Variants in SLC44A3 observed in about 807,000 individuals in gnomAD.
SLC44A3 encodes choline transporter-like protein 3.
A neutral mutation model predicts 75.4 loss-of-function variants in SLC44A3; 74 were observed. The observed-to-expected ratio is 0.98, with a 90% confidence interval of 0.81 to 1.19. The LOEUF (loss-of-function observed/expected upper bound fraction) is 1.19. SLC44A3 is among the 50% of genes most tolerant of loss of function. The pLI is 0.00. For synonymous variants in SLC44A3, 310 were observed against 296.9 expected, an observed-to-expected ratio of 1.04 and a Z score of -0.45; for missense variants, 700 against 778.6, an observed-to-expected ratio of 0.90 and a Z score of 1.20.
At chr1:94,840,130 C>T in intron 7 of SLC44A3, 93 bp downstream of exon 7, 1 of 1,101,332 alleles carries the variant, frequency 9.1e-7, no homozygotes, top group Non-Finnish European at 1.4e-6. Context: ...TTTTAAGCTA[C>T]ATGGAGTCTT....
At chr1:94,832,760 G>A (rs1455092921) in intron 5 of SLC44A3, among the ~76,000 whole-genome samples, 1 of 152,178 alleles carries the variant, frequency 6.6e-6, no homozygotes, top group Non-Finnish European at 1.5e-5. Context: ...GATTGCTTGA[G>A]GCCAGGAGTT....
Position 94,880,404 on chromosome 1 carries a change from C to A in SLC44A3, c.1483-10726C>A, listed in dbSNP as rs142736344. Among the ~76,000 whole-genome samples the A allele has an allele frequency of 6.5e-4, 99 of 152,220 alleles. 1 individual carries two copies. The highest frequency in any genetic ancestry group is 1.5e-3 in the Admixed American group (23 of 15,294). On this transcript the variant is annotated intron_variant, in intron 12 of 14. Coordinates refer to ENST00000271227, the MANE Select transcript of SLC44A3 (RefSeq NM_001114106.3). ...GTCATATGCTACAACATAGATGAAC[C>A]CCAAGGACATTATGCTGAAGTATAT...
chr1:94,845,505 T>G, intron 9 of SLC44A3, 41 bp downstream of exon 9: 4 of 1,547,942 alleles, frequency 2.6e-6, no homozygotes, highest in Non-Finnish European at 3.5e-6. Flanking sequence ...CTTGGAGTCA[T>G]ACACAGAAGA....
intron 10 of SLC44A3, 90 bp downstream of exon 10, chr1:94,857,590 G>A: frequency 2.3e-6 from 3 of 1,314,052 alleles, no homozygotes; most frequent in Non-Finnish European, 3.0e-6. Flanking sequence ...TGGGAATGTT[G>A]ACCTAGCCCC....
Position 94,842,097 on chromosome 1 carries a change from G to C in SLC44A3, c.858G>C (p.Gly286=). ...GGGAAAATATGAAGTGCGTGCTGGG[G>C]TTTGCTATCGTATCCACAGGCATCA... The part of the protein sequence containing the change: ...TERENMKCVL[G]FAIVSTGITA... Residue 286 remains glycine (G), a synonymous_variant, in exon 8 of 15, where the codon GGG becomes GGC. Coordinates refer to ENST00000271227, the MANE Select transcript of SLC44A3 (RefSeq NM_001114106.3). 6.2e-7 allele frequency: 1 copy of C among 1,612,172 alleles called. No individual in the cohort carries two copies. The highest frequency in any genetic ancestry group is 1.1e-5 in the South Asian group (1 of 90,706).
chr1:94,891,345 A>G (rs1019463607), intron 13 of SLC44A3, 78 bp downstream of exon 13: 2 of 1,435,686 alleles, frequency 1.4e-6, no homozygotes, highest in Non-Finnish European at 1.9e-6. Flanking sequence ...AAAGGGAACT[A>G]TATTTCTTGA....
At chr1:94,881,629 G>A (rs1464516990) in intron 12 of SLC44A3, among the ~76,000 whole-genome samples, 28 of 148,358 alleles carry the variant, frequency 1.9e-4, no homozygotes, top group Non-Finnish European at 3.4e-4. Flanking sequence ...GCGTGAACCC[G>A]GGAGGCGAAG....
chr1:94,840,068 T>G, intron 7 of SLC44A3, 31 bp downstream of exon 7: 2 of 1,568,646 alleles, frequency 1.3e-6, no homozygotes, highest in Non-Finnish European at 1.8e-6. Context: ...CTGATTTCTT[T>G]TCGATTAAAT....
At chr1:94,882,528 T>G (rs1038728570) in intron 12 of SLC44A3, among the ~76,000 whole-genome samples, 26 of 152,284 alleles carry the variant, frequency 1.7e-4, no homozygotes, top group African/African-American at 6.3e-4. Flanking sequence ...CCACTGATTA[T>G]GCACAGGTCA....
At chr1:94,857,217 T>A in intron 9 of SLC44A3, 118 bp from the exon 10 acceptor site, 1 of 1,025,044 alleles carries the variant, frequency 9.8e-7, no homozygotes, top group Non-Finnish European at 1.4e-6. Flanking sequence ...GGGTACTTGA[T>A]TTTGGCATTT....
chr1:94,849,051 C>T (rs1228248516), intron 9 of SLC44A3, among the ~76,000 whole-genome samples: 2 of 144,666 alleles, frequency 1.4e-5, no homozygotes, highest in South Asian at 2.1e-4. Context: ...CAGCCTGTGC[C>T]CCTTAACTGC....
chr1:94,851,972 C>A (rs531261827), intron 9 of SLC44A3, among the ~76,000 whole-genome samples: 2 of 152,236 alleles, frequency 1.3e-5, no homozygotes, highest in South Asian at 2.1e-4. Flanking sequence ...TCCAGACTTA[C>A]AGCTAACTGC....
intron 9 of SLC44A3, among the ~76,000 whole-genome samples, chr1:94,854,006 C>G (rs1180176166): frequency 6.6e-6 from 1 of 152,088 alleles, no homozygotes; most frequent in East Asian, 1.9e-4. Context: ...ATAGCTAACC[C>G]TGTGTGGCAC....
In SLC44A3 at chr1:94,849,130, G is replaced by A. The variant is rs533389953; in HGVS notation, c.1072+3666G>A. 2.6e-5 allele frequency among the ~76,000 whole-genome samples: 4 copies of A among 152,254 alleles called. No individual in the cohort carries two copies. The South Asian group carries it at 8.3e-4, about 32-fold the overall frequency. Reference sequence around the variant, plus strand: ...GTAGCCTCCACTGCAAGAGAGACCTGGAGGTTATTCTTCAGGGCTGAAGGT... The same window carrying A: ...GTAGCCTCCACTGCAAGAGAGACCTAGAGGTTATTCTTCAGGGCTGAAGGT... On this transcript the variant is annotated intron_variant, in intron 9 of 14. Transcript: ENST00000271227.
intron 12 of SLC44A3, among the ~76,000 whole-genome samples, chr1:94,870,213 T>G (rs735937): frequency 1.3e-5 from 2 of 152,076 alleles, no homozygotes; most frequent in Non-Finnish European, 2.9e-5. Flanking sequence ...ACCTCACACA[T>G]GCGTTCATCC....
At chr1:94,831,475 C>T (rs7546423) in intron 5 of SLC44A3, among the ~76,000 whole-genome samples, 69,147 of 152,072 alleles carry the variant, frequency 0.45, 15,791 homozygotes, top group Middle Eastern at 0.51. Flanking sequence ...CCTCGTCTGT[C>T]GGTCATGTGA....
intron 12 of SLC44A3, among the ~76,000 whole-genome samples, chr1:94,876,580 GAGTCA>G (rs1175361383): frequency 6.6e-6 from 1 of 152,222 alleles, no homozygotes; most frequent in Non-Finnish European, 1.5e-5. Context: ...AAGGAGATGT[GAGTCA>G]CTGTGGCTGA....
At chr1:94,863,498 C>A (rs901089436) in intron 10 of SLC44A3, among the ~76,000 whole-genome samples, 1 of 151,520 alleles carries the variant, frequency 6.6e-6, no homozygotes, top group Non-Finnish European at 1.5e-5. Flanking sequence ...TTCTAAGGCA[C>A]ACAAATCTCC....
chr1:94,893,967 C>T (rs894283622), intron 14 of SLC44A3, among the ~76,000 whole-genome samples: 5 of 151,928 alleles, frequency 3.3e-5, no homozygotes, highest in East Asian at 2.0e-4. Context: ...CAGTGGCAGG[C>T]GCCTGTAATC....
Sources: gnomAD v4.1 joint callset for allele counts (sites outside exome capture counted in the v4.1 genomes callset) on GRCh38, gnomAD v4.1.1 for gene constraint, MANE v1.5 for transcripts, NCBI Gene and HGNC (gene_info 2026-07-23, HGNC 2026-07-21) for gene names.